Variants in CACNA2D3 observed in about 807,000 individuals in gnomAD.
The protein encoded by CACNA2D3 is voltage-dependent calcium channel subunit alpha-2/delta-3.
Under a neutral mutation model 160.6 loss-of-function variants are expected in CACNA2D3, and 60 were observed. The ratio of observed to expected loss-of-function variants is 0.37; its 90% CI spans 0.30 to 0.46. The LOEUF (loss-of-function observed/expected upper bound fraction) is 0.46. Ranked by LOEUF, CACNA2D3 falls within the 20% of genes least tolerant of loss-of-function variation. The probability of loss-of-function intolerance (pLI) is 1.00; values close to 1 mark genes in which losing one functional copy is unlikely to be tolerated. For synonymous variants in CACNA2D3, 558 were observed against 492.9 expected (o/e 1.13, Z -1.75); for missense variants, 1,205 against 1,365.0 (o/e 0.88, Z 1.85).
intron 3 of CACNA2D3, among the ~76,000 whole-genome samples, chr3:54,328,176 T>C (rs1332700686): frequency 1.3e-5 from 2 of 152,236 alleles, no homozygotes; most frequent in East Asian, 1.9e-4. Context: ...TTCCCACCTG[T>C]GTGGTTGGAG....
At chr3:54,759,762 C>T (rs1298585584) in intron 12 of CACNA2D3, among the ~76,000 whole-genome samples, 1 of 152,152 alleles carries the variant, frequency 6.6e-6, no homozygotes, top group Non-Finnish European at 1.5e-5. Flanking sequence ...CGCAAATAGC[C>T]CATTAGAGTT....
At position 54,224,819 on chromosome 3, in the gene CACNA2D3, A is replaced by G. The variant is rs750599548; in HGVS notation, c.205-95623A>G. Among the ~76,000 whole-genome samples, 3 of 150,988 alleles carry G rather than the reference A, an allele frequency of 2.0e-5. No individual in the cohort carries two copies. The East Asian group carries it at 5.8e-4, about 29-fold the overall frequency. On this transcript the variant is annotated intron_variant, in intron 2 of 37. Coordinates refer to ENST00000474759, the MANE Select transcript of CACNA2D3 (RefSeq NM_018398.3). ...TTTTGGTTGCTCTTTATTCTTTCTC[A>G]TGTTTCAGATTTTCATAAGGGATAA... is the stretch of plus-strand genomic sequence containing the variant.
rs146257105 is a variant in CACNA2D3 at position 54,288,301 on chromosome 3, G to A, written c.205-32141G>A. 6.1e-3 allele frequency among the ~76,000 whole-genome samples: 933 copies of A among 152,130 alleles called. 8 individuals carry two copies. Among genetic ancestry groups the A allele is most frequent in the African/African-American group, 0.021 (882 of 41,504 alleles). On this transcript the variant is annotated intron_variant, in intron 2 of 37. Coordinates refer to ENST00000474759, the MANE Select transcript of CACNA2D3 (RefSeq NM_018398.3). ...CAGAAAATACTACAAACACCTCTAC[G>A]CAAATAAACTAGAAAATCTAGAAGA...
At chr3:54,197,183 A>G (rs1006583839) in intron 2 of CACNA2D3, among the ~76,000 whole-genome samples, 4 of 152,262 alleles carry the variant, frequency 2.6e-5, no homozygotes, top group South Asian at 2.1e-4. Flanking sequence ...GAAAGGGCCA[A>G]GTTTTAAAAA....
At chr3:54,779,127 T>C (rs972035301) in intron 13 of CACNA2D3, among the ~76,000 whole-genome samples, 2 of 152,066 alleles carry the variant, frequency 1.3e-5, no homozygotes, top group Non-Finnish European at 2.9e-5. Flanking sequence ...AGACAGAGTC[T>C]CCTTCTGTTG....
chr3:54,297,445 A>T (rs1257557827), intron 2 of CACNA2D3, among the ~76,000 whole-genome samples: 2 of 142,080 alleles, frequency 1.4e-5, no homozygotes, highest in African/African-American at 5.1e-5. Context: ...CCCAACTCTC[A>T]GTTAGGAAAA....
intron 2 of CACNA2D3, among the ~76,000 whole-genome samples, chr3:54,281,840 G>A (rs1702887985): frequency 2.0e-5 from 3 of 152,162 alleles, no homozygotes; most frequent in African/African-American, 7.2e-5. Context: ...GGTTTGATGT[G>A]ACCAGTTGAC....
intron 27 of CACNA2D3, chr3:54,918,607 CCA>C: frequency 6.2e-7 from 1 of 1,614,126 alleles, no homozygotes. Context: ...ACACACAATC[CCA>C]CACACAACGC....
At chr3:54,752,826 T>C in intron 12 of CACNA2D3, 149 bp downstream of exon 12, 1 of 568,980 alleles carries the variant, frequency 1.8e-6, no homozygotes, top group Non-Finnish European at 3.1e-6. Context: ...TAACGGTTTC[T>C]TCCAAATTAT....
intron 11 of CACNA2D3, among the ~76,000 whole-genome samples, chr3:54,749,843 A>G (rs1701825452): frequency 6.6e-6 from 1 of 152,238 alleles, no homozygotes; most frequent in African/African-American, 2.4e-5. Context: ...TTTCATAAGC[A>G]ATAAAATAAC....
chr3:54,499,757 G>A (rs1032481081), intron 4 of CACNA2D3, among the ~76,000 whole-genome samples: 4 of 152,038 alleles, frequency 2.6e-5, no homozygotes, highest in African/African-American at 9.7e-5. Flanking sequence ...GACACCGTAT[G>A]ATTTCCATTC....
At chr3:54,770,262 T>C (rs1019645403) in intron 13 of CACNA2D3, among the ~76,000 whole-genome samples, 24 of 152,320 alleles carry the variant, frequency 1.6e-4, no homozygotes, top group African/African-American at 5.5e-4. Flanking sequence ...TAATTCTCAA[T>C]GGCTAAAAAT....
chr3:54,179,953 T>C (rs1453181208), intron 2 of CACNA2D3, among the ~76,000 whole-genome samples: 1 of 152,168 alleles, frequency 6.6e-6, no homozygotes, highest in Non-Finnish European at 1.5e-5. Flanking sequence ...GCAGGGTCTG[T>C]GGGTTGTGGC....
chr3:54,528,786 A>G (rs1701763619), intron 5 of CACNA2D3, among the ~76,000 whole-genome samples: 1 of 152,186 alleles, frequency 6.6e-6, no homozygotes, highest in Non-Finnish European at 1.5e-5. Context: ...TTAAACATGC[A>G]AATTCAGATG....
At chr3:54,540,232 C>G (rs1020660741) in intron 5 of CACNA2D3, among the ~76,000 whole-genome samples, 1 of 152,136 alleles carries the variant, frequency 6.6e-6, no homozygotes, top group South Asian at 2.1e-4. Flanking sequence ...TCCAATTCAG[C>G]GGCATCCTCA....
At chr3:54,687,773 AT>A (rs1221998150) in intron 11 of CACNA2D3, among the ~76,000 whole-genome samples, 1 of 152,100 alleles carries the variant, frequency 6.6e-6, no homozygotes, top group Non-Finnish European at 1.5e-5. Flanking sequence ...GCTGAATTTG[AT>A]TTTCAAAGGA....
intron 35 of CACNA2D3, among the ~76,000 whole-genome samples, chr3:55,055,229 T>C (rs1704332704): frequency 6.6e-6 from 1 of 152,072 alleles, no homozygotes; most frequent in South Asian, 2.1e-4. Flanking sequence ...TTGAGTTGAT[T>C]TTTGTACATA....
At chr3:54,350,986 GTTT>G (rs796392854) in intron 3 of CACNA2D3, among the ~76,000 whole-genome samples, 1 of 65,920 alleles carries the variant, frequency 1.5e-5, no homozygotes, top group Admixed American at 2.0e-4. Context: ...TTTTTTGTTT[GTTT>G]TTTTTTTTTT....
chr3:55,013,262 C>T (rs948284261), intron 34 of CACNA2D3, among the ~76,000 whole-genome samples: 1 of 152,212 alleles, frequency 6.6e-6, no homozygotes, highest in Non-Finnish European at 1.5e-5. Flanking sequence ...CTAAGTCAGA[C>T]AGCTAAGAGG....
Sources: allele counts gnomAD v4.1 joint callset (sites outside exome capture counted in the v4.1 genomes callset), GRCh38; gene constraint gnomAD v4.1.1; transcripts MANE v1.5; gene names NCBI Gene and HGNC (gene_info 2026-07-23, HGNC 2026-07-21).